TTLL7: variants seen among roughly 807,000 people sequenced by gnomAD.
The protein encoded by TTLL7 is tubulin polyglutamylase TTLL7.
In TTLL7, 53 loss-of-function variants were observed where a neutral mutation model predicts 120.2. The observed-to-expected ratio is 0.44, with a 90% confidence interval of 0.35 to 0.55. The LOEUF (loss-of-function observed/expected upper bound fraction) is 0.55. Among genes scored for constraint, TTLL7 ranks in the 20% least tolerant of loss-of-function variants. The probability of loss-of-function intolerance (pLI) is 0.00; values close to 1 mark genes in which losing one functional copy is unlikely to be tolerated. For synonymous variants in TTLL7, 353 were observed against 351.7 expected (o/e 1.00, Z -0.04); for missense variants, 803 against 1,054.7 (o/e 0.76, Z 3.31).
intron 1 of TTLL7, among the ~76,000 whole-genome samples, chr1:83,998,476 A>G (rs1653686718): frequency 6.6e-6 from 1 of 152,196 alleles, no homozygotes; most frequent in Non-Finnish European, 1.5e-5. Flanking sequence ...AGAGGTACCT[A>G]CAAGGGCCCT....
At chr1:83,947,452 T>A in intron 5 of TTLL7, 170 bp from the exon 6 acceptor site, 1 of 600,434 alleles carries the variant, frequency 1.7e-6, no homozygotes, top group African/African-American at 1.9e-5. Context: ...CTATTAAGTG[T>A]TAGACACTAT....
chr1:83,918,973 TA>T (rs1241652478), intron 13 of TTLL7, among the ~76,000 whole-genome samples: 2 of 152,102 alleles, frequency 1.3e-5, no homozygotes, highest in African/African-American at 4.8e-5. Context: ...GAGGTCTGAC[TA>T]CCCTGCTGAG....
intron 19 of TTLL7, among the ~76,000 whole-genome samples, chr1:83,886,771 CT>C (rs34402780): frequency 0.43 from 65,679 of 151,604 alleles, 15,583 homozygotes; most frequent in Non-Finnish European, 0.54. Flanking sequence ...CCTCTCTTGG[CT>C]TTACCTCACA....
intron 18 of TTLL7, among the ~76,000 whole-genome samples, chr1:83,891,518 C>G (rs919906168): frequency 6.6e-6 from 1 of 152,060 alleles, no homozygotes; most frequent in East Asian, 1.9e-4. Flanking sequence ...TTGGTATTAT[C>G]TCCTAAAGTT....
rs1214911461 is a variant in TTLL7 at position 83,905,581 on chromosome 1, AT to A, written c.2127+747del. On this transcript the variant is annotated intron_variant, in intron 17 of 20. Transcript: ENST00000260505. ...TAAAATTATATCTGTAAAAAAAAAA[AT>A]GGCCCAAAATATATTTTTATATATT... Among the ~76,000 whole-genome samples, 47 of 150,788 alleles carry A rather than the reference AT, an allele frequency of 3.1e-4. 1 individual carries two copies. The highest frequency in any genetic ancestry group is 6.0e-4 in the African/African-American group (25 of 41,366).
At chr1:83,892,342 A>G (rs1183006418) in intron 18 of TTLL7, among the ~76,000 whole-genome samples, 2 of 126,434 alleles carry the variant, frequency 1.6e-5, no homozygotes, top group East Asian at 2.1e-4. Flanking sequence ...ATATGAATAT[A>G]TATACGAATA....
chr1:83,997,971 T>C (rs1013809842), intron 1 of TTLL7, among the ~76,000 whole-genome samples: 3 of 152,214 alleles, frequency 2.0e-5, no homozygotes, highest in Non-Finnish European at 4.4e-5. Flanking sequence ...GCATCTTTCT[T>C]TCATATTGAA....
Position 83,882,391 on chromosome 1 carries a change from A to C in TTLL7, c.2543+572T>G, listed in dbSNP as rs1654595373. Among the ~76,000 whole-genome samples the C allele has an allele frequency of 2.2e-5, 3 of 135,550 alleles. No individual in the cohort carries two copies. The South Asian group carries it at 7.5e-4, about 34-fold the overall frequency. The allele number at this position is 135,550 out of a possible 152,430, so 88.9% of individuals were successfully genotyped here. ...ATGAGAACTACAGTTGTCTTGAGAA[A>C]TGCTAAAAGGTACTTTCTTTACTCT... On this transcript the variant is annotated intron_variant, in intron 20 of 20. Coordinates refer to ENST00000260505, the MANE Select transcript of TTLL7 (RefSeq NM_024686.6).
intron 1 of TTLL7, among the ~76,000 whole-genome samples, chr1:83,960,659 G>A (rs183915810): frequency 2.0e-5 from 3 of 152,186 alleles, no homozygotes; most frequent in Admixed American, 1.3e-4. Flanking sequence ...GGAGATAAGA[G>A]ATAAGGGAAT....
At chr1:83,914,712 C>T (rs1432069731) in intron 14 of TTLL7, among the ~76,000 whole-genome samples, 1 of 152,168 alleles carries the variant, frequency 6.6e-6, no homozygotes, top group African/African-American at 2.4e-5. Flanking sequence ...AAGCCATCCA[C>T]ATGCTACCAA....
intron 20 of TTLL7, 96 bp from the exon 21 acceptor site, chr1:83,870,178 G>A (rs1244012049): frequency 5.2e-6 from 6 of 1,164,590 alleles, no homozygotes; most frequent in Non-Finnish European, 5.8e-6. Flanking sequence ...GTCTATATGA[G>A]AAATGTTACT....
rs181038444 is a variant in TTLL7 at position 83,988,056 on chromosome 1, C to T, written c.-177+10875G>A. Among the ~76,000 whole-genome samples the T allele has an allele frequency of 2.4e-4, 37 of 152,244 alleles. No homozygotes were observed. In the East Asian group the frequency reaches 4.4e-3, roughly 18 times the overall value. The stretch of plus-strand genomic sequence containing the variant: ...CACCCTCCTACCTCCATATAGTAAT[C>T]CCCAGAGTCTATTGTTGTCATCTTT... On this transcript the variant is annotated intron_variant, in intron 1 of 20. Coordinates refer to ENST00000260505, the MANE Select transcript of TTLL7 (RefSeq NM_024686.6).
rs1652988025 is a variant in TTLL7, at chr1:83,867,434, A to G, written c.*2528T>C. On this transcript the variant is annotated 3_prime_UTR_variant, in exon 21 of 21. Coordinates refer to ENST00000260505, the MANE Select transcript of TTLL7 (RefSeq NM_024686.6). ...AGGCAATAAAATTGTAACGCTCAAA[A>G]TAAGGCCAGACATAAGTAGCTAGAG... 6.6e-6 allele frequency: 1 copy of G among 152,132 alleles called. No homozygotes were observed. Among genetic ancestry groups the G allele is most frequent in the South Asian group, 2.1e-4 (1 of 4,828 alleles). 9.4% of individuals were successfully genotyped at this position (152,132 alleles called of 1,614,324 possible). A position where few individuals can be genotyped will look rare whatever the true frequency, so the allele number is the denominator to read the frequency against.
At chr1:83,963,669 C>T (rs953733243) in intron 1 of TTLL7, among the ~76,000 whole-genome samples, 1 of 151,990 alleles carries the variant, frequency 6.6e-6, no homozygotes, top group Non-Finnish European at 1.5e-5. Context: ...TAGGTAGCAG[C>T]TTTTAAAGTG....
intron 12 of TTLL7, 87 bp downstream of exon 12, chr1:83,921,000 A>T: frequency 7.2e-7 from 1 of 1,393,130 alleles, no homozygotes; most frequent in Non-Finnish European, 9.8e-7. Flanking sequence ...AAAAATGCTT[A>T]AAATAAGCAC....
intron 10 of TTLL7, among the ~76,000 whole-genome samples, chr1:83,924,912 G>A (rs1658983790): frequency 1.3e-5 from 2 of 152,122 alleles, no homozygotes; most frequent in Admixed American, 6.6e-5. Flanking sequence ...GTTGGAAAGA[G>A]ATGTAAGGGC....
intron 9 of TTLL7, among the ~76,000 whole-genome samples, chr1:83,932,567 G>GCA (rs758928904): frequency 9.6e-5 from 12 of 124,970 alleles, no homozygotes; most frequent in Middle Eastern, 3.8e-3. Context: ...ACATAGGCGC[G>GCA]CGCACACACA....
At chr1:83,885,174 G>A (rs1223560323) in intron 19 of TTLL7, 1 of 180,168 alleles carries the variant, frequency 5.6e-6, no homozygotes, top group Non-Finnish European at 1.1e-5. Flanking sequence ...ATATACATGT[G>A]AATATATACA....
intron 1 of TTLL7, among the ~76,000 whole-genome samples, chr1:83,998,709 C>G (rs555508160): frequency 6.6e-6 from 1 of 152,184 alleles, no homozygotes; most frequent in East Asian, 1.9e-4. Flanking sequence ...CCCCTCCGCC[C>G]TCTCCCTCCC....
Sources: allele counts gnomAD v4.1 joint callset (sites outside exome capture counted in the v4.1 genomes callset), GRCh38; gene constraint gnomAD v4.1.1; transcripts MANE v1.5; gene names NCBI Gene and HGNC (gene_info 2026-07-23, HGNC 2026-07-21).